WWOX: variants seen among roughly 807,000 people sequenced by gnomAD.
WWOX encodes WW domain containing oxidoreductase.
In WWOX, 69 loss-of-function variants were observed where a neutral mutation model predicts 46.2. That is an observed-to-expected ratio of 1.49 (90% CI 1.23 to 1.82). The LOEUF is 1.82. WWOX is among the 40% of genes most tolerant of loss of function. The probability of loss-of-function intolerance (pLI) is 0.00; values close to 1 mark genes in which losing one functional copy is unlikely to be tolerated. For missense variants in WWOX, 919 were observed against 542.6 expected, an observed-to-expected ratio of 1.69 and a Z score of -6.89; for synonymous variants, 359 against 202.6, an observed-to-expected ratio of 1.77 and a Z score of -6.56.
chr16:78,209,099 CAA>C (rs1368530280), intron 5 of WWOX, among the ~76,000 whole-genome samples: 1 of 151,944 alleles, frequency 6.6e-6, no homozygotes, highest in Non-Finnish European at 1.5e-5. Flanking sequence ...AGGGAGTGAT[CAA>C]GTTGAAAAAT....
intron 8 of WWOX, among the ~76,000 whole-genome samples, chr16:79,057,896 C>T (rs2048292122): frequency 6.6e-6 from 1 of 152,080 alleles, no homozygotes; most frequent in Non-Finnish European, 1.5e-5. Flanking sequence ...CAAGGATATC[C>T]TTCCATGTTA....
chr16:78,809,631 C>G (rs561278826), intron 8 of WWOX, among the ~76,000 whole-genome samples: 2 of 152,138 alleles, frequency 1.3e-5, no homozygotes, highest in African/African-American at 2.4e-5. Context: ...AGAAATTTAA[C>G]CTAGTACACA....
chr16:78,338,987 G>T (rs1196963534), intron 5 of WWOX, among the ~76,000 whole-genome samples: 3 of 120,126 alleles, frequency 2.5e-5, no homozygotes, highest in African/African-American at 8.4e-5. Flanking sequence ...TTAAGTAATT[G>T]CATGTAAACT....
chr16:78,422,556 A>G (rs1453177261), intron 6 of WWOX, among the ~76,000 whole-genome samples: 2 of 149,274 alleles, frequency 1.3e-5, no homozygotes, highest in Non-Finnish European at 3.0e-5. Flanking sequence ...TGTGTTGCTC[A>G]GGCTGGTTTT....
intron 8 of WWOX, among the ~76,000 whole-genome samples, chr16:78,889,690 G>A (rs1371333679): frequency 6.6e-6 from 1 of 152,100 alleles, no homozygotes; most frequent in African/African-American, 2.4e-5. Flanking sequence ...CAAACTCTCA[G>A]TGTGGGCAGG....
chr16:78,205,673 A>G (rs1353167378), intron 5 of WWOX, among the ~76,000 whole-genome samples: 2 of 151,318 alleles, frequency 1.3e-5, no homozygotes, highest in South Asian at 2.1e-4. Flanking sequence ...ACCCTTTCAT[A>G]CATCCATACA....
chr16:79,151,524 G>C (rs1376098099), intron 8 of WWOX, among the ~76,000 whole-genome samples: 1 of 152,210 alleles, frequency 6.6e-6, no homozygotes, highest in African/African-American at 2.4e-5. Flanking sequence ...CAGTGTTCAG[G>C]TTGAAGACAA....
At chr16:78,875,989 A>T (rs894196990) in intron 8 of WWOX, among the ~76,000 whole-genome samples, 5 of 152,048 alleles carry the variant, frequency 3.3e-5, no homozygotes, top group African/African-American at 1.2e-4. Flanking sequence ...TTTGAGTTAT[A>T]CCCACTTTAG....
At chr16:78,312,451 C>T (rs975671935) in intron 5 of WWOX, among the ~76,000 whole-genome samples, 3 of 146,054 alleles carry the variant, frequency 2.1e-5, no homozygotes, top group Non-Finnish European at 3.0e-5. Context: ...GATTTCTGCT[C>T]ACTGCAACCT....
rs568941245 is a variant in WWOX, at chr16:78,465,009, G to A, written c.1056+32257G>A. On this transcript the variant is annotated intron_variant, in intron 8 of 8. Transcript: ENST00000566780. ...GAGCAAAGGCACATCTTACATGGCA[G>A]CAGACAAGAAAGCGTGTGCAGGGGA... Among the ~76,000 whole-genome samples, 3 of 152,336 alleles carry A rather than the reference G, an allele frequency of 2.0e-5. No homozygotes were observed. In the South Asian group the frequency reaches 6.2e-4, roughly 32 times the overall value.
At chr16:78,291,946 T>C (rs932532812) in intron 5 of WWOX, among the ~76,000 whole-genome samples, 1 of 152,124 alleles carries the variant, frequency 6.6e-6, no homozygotes, top group African/African-American at 2.4e-5. Context: ...GAATCCCAGA[T>C]TGATCTTTTC....
chr16:78,250,860 C>G (rs1033934569), intron 5 of WWOX, among the ~76,000 whole-genome samples: 1 of 152,202 alleles, frequency 6.6e-6, no homozygotes, highest in African/African-American at 2.4e-5. Flanking sequence ...CACCCTCCCC[C>G]TAACAACCTC....
At chr16:79,101,314 C>G (rs1165380734) in intron 8 of WWOX, 1 of 152,202 alleles carries the variant, frequency 6.6e-6, no homozygotes, top group Non-Finnish European at 1.5e-5. Context: ...AATCCAACAA[C>G]TCTGCTGGTC....
chr16:78,564,310 G>C (rs914804222), intron 8 of WWOX, among the ~76,000 whole-genome samples: 1 of 152,222 alleles, frequency 6.6e-6, no homozygotes, highest in Non-Finnish European at 1.5e-5. Flanking sequence ...TGTAGTGTTT[G>C]CCCTTTTCCT....
At chr16:78,819,866 T>C (rs1481132822) in intron 8 of WWOX, among the ~76,000 whole-genome samples, 1 of 152,230 alleles carries the variant, frequency 6.6e-6, no homozygotes, top group East Asian at 1.9e-4. Flanking sequence ...TCAGTCTTCT[T>C]TGAGTGAGAC....
intron 8 of WWOX, among the ~76,000 whole-genome samples, chr16:78,634,826 G>GAC (rs1567452648): frequency 1.7e-4 from 19 of 110,490 alleles, no homozygotes; most frequent in Non-Finnish European, 2.9e-4. Flanking sequence ...GAGAGAGAGA[G>GAC]AGAGAGAGAG....
intron 5 of WWOX, among the ~76,000 whole-genome samples, chr16:78,280,162 G>A (rs2079650763): frequency 6.6e-6 from 1 of 152,146 alleles, no homozygotes; most frequent in African/African-American, 2.4e-5. Flanking sequence ...AATTAAATAT[G>A]TTCTTCAGGT....
At chr16:78,166,277 A>C (rs150142789) in intron 5 of WWOX, among the ~76,000 whole-genome samples, 5 of 151,972 alleles carry the variant, frequency 3.3e-5, no homozygotes, top group Admixed American at 6.5e-5. Flanking sequence ...TGCTATAACC[A>C]GTCTTCCCTT....
intron 6 of WWOX, among the ~76,000 whole-genome samples, chr16:78,423,160 C>T (rs911782236): frequency 8.5e-5 from 13 of 152,148 alleles, no homozygotes; most frequent in Admixed American, 7.9e-4. Context: ...GCTGAGATTA[C>T]AGGCGTGAGC....
Sources: gnomAD v4.1 joint callset for allele counts (sites outside exome capture counted in the v4.1 genomes callset) on GRCh38, gnomAD v4.1.1 for gene constraint, MANE v1.5 for transcripts, NCBI Gene and HGNC (gene_info 2026-07-23, HGNC 2026-07-21) for gene names.